Variants in EBF1 observed in about 807,000 individuals in gnomAD.
The protein encoded by EBF1 is EBF transcription factor 1.
Under a neutral mutation model 68.4 loss-of-function variants are expected in EBF1, and 10 were observed. The ratio of observed to expected loss-of-function variants is 0.15; its 90% CI spans 0.09 to 0.25. The LOEUF (loss-of-function observed/expected upper bound fraction) is 0.25. Ranked by LOEUF, EBF1 falls within the 10% of genes least tolerant of loss-of-function variation. EBF1 has a pLI of 1.00. For missense variants in EBF1, 509 were observed against 794.4 expected (o/e 0.64, Z 4.32); for synonymous variants, 298 against 299.8 (o/e 0.99, Z 0.06).
In EBF1 at chr5:158,698,853, T is replaced by A; in HGVS notation, c.*258A>T. 2 of 369,836 alleles carry A rather than the reference T, an allele frequency of 5.4e-6. No individual in the cohort carries two copies. Among genetic ancestry groups the A allele is most frequent in the Non-Finnish European group, 9.6e-6 (2 of 207,800 alleles). The allele number at this position is 369,836 out of a possible 1,614,324, so 22.9% of individuals were successfully genotyped here. On this transcript the variant is annotated 3_prime_UTR_variant, in exon 16 of 16. Transcript: ENST00000313708. The stretch of plus-strand genomic sequence containing the variant: ...AAAAAAGAAAAAGAAAAAGTGGATT[T>A]GCTTTTGTCAATACAGAATAAATAT...
At chr5:158,988,724 T>C (rs1039419431) in intron 6 of EBF1, among the ~76,000 whole-genome samples, 5 of 152,138 alleles carry the variant, frequency 3.3e-5, no homozygotes, top group African/African-American at 9.7e-5. Context: ...AATATAAATA[T>C]GACAAGAAGT....
chr5:158,975,234 C>T (rs371606471), intron 6 of EBF1, among the ~76,000 whole-genome samples: 2 of 152,230 alleles, frequency 1.3e-5, no homozygotes, highest in Admixed American at 6.5e-5. Context: ...CAGTCTCCTA[C>T]ACCTCCTGTA....
At chr5:158,823,036 A>G in intron 8 of EBF1, 140 bp downstream of exon 8, 1 of 1,161,262 alleles carries the variant, frequency 8.6e-7, no homozygotes, top group South Asian at 1.5e-5. Context: ...TTGAAGAGAA[A>G]AAACCCTAGA....
At chr5:158,707,890 C>T in intron 15 of EBF1, 89 bp downstream of exon 15, 2 of 1,414,162 alleles carry the variant, frequency 1.4e-6, no homozygotes, top group Non-Finnish European at 1.9e-6. Context: ...GGCTGATACC[C>T]TCAGCAATGG....
chr5:158,714,324 T>C (rs2127494862), intron 11 of EBF1, 142 bp from the exon 12 acceptor site: 1 of 840,166 alleles, frequency 1.2e-6, no homozygotes, highest in Admixed American at 2.0e-5. Context: ...CCCAGAAGGG[T>C]GTTAAATCAC....
At chr5:158,828,077 T>C (rs1293715687) in intron 7 of EBF1, among the ~76,000 whole-genome samples, 1 of 152,196 alleles carries the variant, frequency 6.6e-6, no homozygotes, top group African/African-American at 2.4e-5. Flanking sequence ...TTGCTTGTTG[T>C]ACTTTTGCAT....
At chr5:158,798,996 T>C (rs1483371064) in intron 8 of EBF1, among the ~76,000 whole-genome samples, 2 of 152,146 alleles carry the variant, frequency 1.3e-5, no homozygotes, top group African/African-American at 4.8e-5. Flanking sequence ...AAGCTCCTCC[T>C]ATACATCTGT....
chr5:158,777,658 T>C, intron 9 of EBF1, 119 bp from the exon 10 acceptor site: 1 of 1,076,012 alleles, frequency 9.3e-7, no homozygotes, highest in Non-Finnish European at 1.3e-6. Context: ...TATGTTTAAA[T>C]CCAATCTTGA....
intron 7 of EBF1, among the ~76,000 whole-genome samples, chr5:158,824,329 G>A (rs1358123790): frequency 2.0e-5 from 3 of 152,178 alleles, no homozygotes; most frequent in Admixed American, 6.5e-5. Flanking sequence ...CCTGTCAGCC[G>A]CAAGCACCCT....
chr5:158,815,449 T>C (rs903561689), intron 8 of EBF1, among the ~76,000 whole-genome samples: 13 of 152,134 alleles, frequency 8.5e-5, no homozygotes, highest in Admixed American at 8.5e-4. Context: ...GAAGACTTGA[T>C]GAGATGATAA....
At chr5:158,710,520 GA>G (rs1220881060) in intron 14 of EBF1, among the ~76,000 whole-genome samples, 1 of 152,192 alleles carries the variant, frequency 6.6e-6, no homozygotes, top group Non-Finnish European at 1.5e-5. Context: ...AATCTAATGT[GA>G]AACTGATCCT....
At chr5:159,096,682 G>A (rs959143035) in intron 2 of EBF1, 3 of 604,820 alleles carry the variant, frequency 5.0e-6, no homozygotes, top group Non-Finnish European at 8.7e-6. Context: ...AGAGGCAGGC[G>A]GTGCGTAATC....
intron 6 of EBF1, among the ~76,000 whole-genome samples, chr5:158,895,288 G>A (rs1490493406): frequency 2.0e-5 from 3 of 152,116 alleles, no homozygotes; most frequent in Non-Finnish European, 4.4e-5. Flanking sequence ...ATTTAGCCAG[G>A]TTCAACAGCA....
chr5:158,768,248 C>T (rs1267734076), intron 10 of EBF1, among the ~76,000 whole-genome samples: 1 of 152,018 alleles, frequency 6.6e-6, no homozygotes, highest in Non-Finnish European at 1.5e-5. Flanking sequence ...GGGGGCTATG[C>T]TTTAACATGA....
chr5:158,816,873 A>G (rs1444952291), intron 8 of EBF1, among the ~76,000 whole-genome samples: 2 of 152,162 alleles, frequency 1.3e-5, no homozygotes, highest in East Asian at 3.8e-4. Flanking sequence ...AATAAGGAGT[A>G]ATTAGGGGGA....
chr5:159,063,596 G>A (rs1776243470), intron 6 of EBF1, among the ~76,000 whole-genome samples: 1 of 152,132 alleles, frequency 6.6e-6, no homozygotes, highest in African/African-American at 2.4e-5. Flanking sequence ...CTTTTTCACT[G>A]TTATACCCCC....
At chr5:158,770,105 A>G (rs1386309339) in intron 10 of EBF1, among the ~76,000 whole-genome samples, 2 of 152,150 alleles carry the variant, frequency 1.3e-5, no homozygotes, top group Non-Finnish European at 2.9e-5. Flanking sequence ...AAATATTTTC[A>G]TGGCCATTTT....
At chr5:158,865,998 T>C (rs1009817354) in intron 6 of EBF1, among the ~76,000 whole-genome samples, 17 of 152,202 alleles carry the variant, frequency 1.1e-4, no homozygotes, top group Non-Finnish European at 1.9e-4. Context: ...TCTAGGCTAA[T>C]GGTATCACAT....
chr5:158,709,665 G>C (rs1057472417), intron 14 of EBF1, among the ~76,000 whole-genome samples: 33 of 152,142 alleles, frequency 2.2e-4, no homozygotes, highest in African/African-American at 6.8e-4. Context: ...GTGCTTTATG[G>C]GGCAGAATGC....
Sources: gnomAD v4.1 joint callset for allele counts (sites outside exome capture counted in the v4.1 genomes callset) on GRCh38, gnomAD v4.1.1 for gene constraint, MANE v1.5 for transcripts, NCBI Gene and HGNC (gene_info 2026-07-23, HGNC 2026-07-21) for gene names.